GLIS3: variants seen among roughly 807,000 people sequenced by gnomAD.
The protein encoded by GLIS3 is zinc finger protein GLIS3.
In GLIS3, 53 loss-of-function variants were observed where a neutral mutation model predicts 78.6. That is an observed-to-expected ratio of 0.67 (90% CI 0.54 to 0.85). The LOEUF is 0.85. Ranked by LOEUF, GLIS3 falls within the 40% of genes least tolerant of loss-of-function variation. The pLI is 0.00. For missense variants in GLIS3, 1,703 were observed against 1,231.1 expected, an observed-to-expected ratio of 1.38 and a Z score of -5.74; for synonymous variants, 684 against 509.9, an observed-to-expected ratio of 1.34 and a Z score of -4.60.
exon 1 of GLIS3, chr9:4,348,309 C>T (rs996205181): frequency 5.3e-5 from 8 of 152,170 alleles, no homozygotes; most frequent in African/African-American, 1.9e-4. Flanking sequence ...GGTTTCTTTC[C>T]TGCCAGTTCA....
intron 4 of GLIS3, among the ~76,000 whole-genome samples, chr9:3,937,865 C>A (rs1295557753): frequency 6.6e-6 from 1 of 152,068 alleles, no homozygotes; most frequent in Non-Finnish European, 1.5e-5. Context: ...CAAAAAAGTA[C>A]CGTAATACTT....
chr9:4,089,324 C>G (rs914319957), intron 4 of GLIS3, among the ~76,000 whole-genome samples: 3 of 151,786 alleles, frequency 2.0e-5, no homozygotes, highest in African/African-American at 7.3e-5. Flanking sequence ...TCTAAACAGT[C>G]TCATCTTGAA....
At chr9:3,833,346 C>T (rs1818158550) in intron 9 of GLIS3, among the ~76,000 whole-genome samples, 1 of 152,106 alleles carries the variant, frequency 6.6e-6, no homozygotes, top group Non-Finnish European at 1.5e-5. Flanking sequence ...TTTCACAAAC[C>T]AACACTTTTT....
chr9:4,016,354 C>G (rs894819056), intron 4 of GLIS3, among the ~76,000 whole-genome samples: 1 of 152,194 alleles, frequency 6.6e-6, no homozygotes, highest in African/African-American at 2.4e-5. Context: ...CCTGGCCAAG[C>G]TGTCTTATTT....
intron 3 of GLIS3, among the ~76,000 whole-genome samples, chr9:4,309,479 T>C (rs1279871985): frequency 6.6e-6 from 1 of 152,104 alleles, no homozygotes; most frequent in Non-Finnish European, 1.5e-5. Context: ...GGTTCTCAAA[T>C]TGGACAATTC....
intron 4 of GLIS3, among the ~76,000 whole-genome samples, chr9:3,978,893 T>C (rs924128219): frequency 3.3e-5 from 5 of 152,026 alleles, no homozygotes; most frequent in African/African-American, 1.2e-4. Context: ...AATACAACGA[T>C]AAAAATAATA....
chr9:3,970,498 A>G (rs1340106601), intron 4 of GLIS3, among the ~76,000 whole-genome samples: 2 of 152,118 alleles, frequency 1.3e-5, no homozygotes, highest in African/African-American at 4.8e-5. Context: ...AAAGTTTGCC[A>G]TAGACATCTT....
the GLIS3 span, among the ~76,000 whole-genome samples, chr9:4,422,890 C>T: frequency 6.6e-6 from 1 of 152,178 alleles, no homozygotes; most frequent in Non-Finnish European, 1.5e-5. Flanking sequence ...AGTAAACCCT[C>T]AGTTCCTTTG....
chr9:4,310,396 C>G (rs753518155), intron 3 of GLIS3: 1 of 152,156 alleles, frequency 6.6e-6, no homozygotes, highest in African/African-American at 2.4e-5. Context: ...ATTTCAGAAA[C>G]TCACTTGTCT....
chr9:4,449,538 G>A, the GLIS3 span, among the ~76,000 whole-genome samples: 1,941 of 152,312 alleles, frequency 0.013, 33 homozygotes, highest in African/African-American at 0.038. Context: ...CCTGACCCCC[G>A]TGTAGCCTAA....
chr9:4,281,433 C>T (rs1327108136), intron 2 of GLIS3, among the ~76,000 whole-genome samples: 1 of 152,196 alleles, frequency 6.6e-6, no homozygotes, highest in Non-Finnish European at 1.5e-5. Context: ...CAAACACTAA[C>T]TCCTCATGCC....
At chr9:4,332,334 C>A (rs938829515) in intron 2 of GLIS3, among the ~76,000 whole-genome samples, 1 of 152,216 alleles carries the variant, frequency 6.6e-6, no homozygotes, top group East Asian at 1.9e-4. Context: ...TCATTACCCA[C>A]TATCACCTTC....
At chr9:4,279,622 T>C (rs1165954619) in intron 2 of GLIS3, among the ~76,000 whole-genome samples, 1 of 152,044 alleles carries the variant, frequency 6.6e-6, no homozygotes, top group Non-Finnish European at 1.5e-5. Flanking sequence ...AAGTTTCATG[T>C]TTATTTTTTA....
chr9:4,390,914 T>A, the GLIS3 span, among the ~76,000 whole-genome samples: 44 of 152,318 alleles, frequency 2.9e-4, no homozygotes, highest in African/African-American at 9.6e-4. Context: ...AAAAAGTTAA[T>A]GCCCTTTCTT....
chr9:4,484,347 C>A, the GLIS3 span, among the ~76,000 whole-genome samples: 3 of 148,128 alleles, frequency 2.0e-5, no homozygotes, highest in East Asian at 4.0e-4. Context: ...AAGCGATTAT[C>A]CTGCCTCAGC....
chr9:4,035,024 T>C (rs555446394), intron 4 of GLIS3: 15 of 152,246 alleles, frequency 9.9e-5, no homozygotes, highest in African/African-American at 3.6e-4. Context: ...TCTGAATATG[T>C]TTGCTTCTGA....
At chr9:4,372,918 A>T in the GLIS3 span, among the ~76,000 whole-genome samples, 3 of 152,234 alleles carry the variant, frequency 2.0e-5, no homozygotes, top group African/African-American at 7.2e-5. Context: ...GTGACTTCTC[A>T]GGAACAAGGA....
intron 4 of GLIS3, among the ~76,000 whole-genome samples, chr9:3,943,113 C>T (rs1036062094): frequency 4.6e-5 from 7 of 152,176 alleles, no homozygotes; most frequent in African/African-American, 1.7e-4. Context: ...ATGGACTTCG[C>T]ATTTGGACAT....
chr9:3,976,393 T>A (rs1818791963), intron 4 of GLIS3, among the ~76,000 whole-genome samples: 1 of 152,134 alleles, frequency 6.6e-6, no homozygotes, highest in South Asian at 2.1e-4. Context: ...ACAGAAATTT[T>A]TCTTCCAAAT....
Sources: gnomAD v4.1 joint callset for allele counts (sites outside exome capture counted in the v4.1 genomes callset) on GRCh38, gnomAD v4.1.1 for gene constraint, MANE v1.5 for transcripts, NCBI Gene and HGNC (gene_info 2026-07-23, HGNC 2026-07-21) for gene names.